Variants in UBE2E1 observed in about 807,000 individuals in gnomAD.
UBE2E1 encodes the protein ubiquitin-conjugating enzyme E2 E1.
In UBE2E1, 6 loss-of-function variants were observed where a neutral mutation model predicts 21.4. The observed-to-expected ratio is 0.28, with a 90% CI of 0.15 to 0.55. The LOEUF (loss-of-function observed/expected upper bound fraction) is 0.55, where lower values mean the gene tolerates loss of function less well. UBE2E1 is among the 20% of genes least tolerant of loss of function. The pLI, the probability that UBE2E1 is intolerant of heterozygous loss-of-function variation, is 0.93. For synonymous variants in UBE2E1, 87 were observed against 82.7 expected (o/e 1.05, Z -0.28); for missense variants, 142 against 236.5 (o/e 0.60, Z 2.62).
intron 3 of UBE2E1, among the ~76,000 whole-genome samples, chr3:23,852,742 C>T (rs561007401): frequency 8.6e-5 from 13 of 151,764 alleles, no homozygotes; most frequent in Non-Finnish European, 1.6e-4. Context: ...CTTACAGGCA[C>T]GTGCCACTGC....
At chr3:23,825,896 G>A (rs1699747806) in intron 3 of UBE2E1, among the ~76,000 whole-genome samples, 1 of 152,130 alleles carries the variant, frequency 6.6e-6, no homozygotes. Context: ...AAGAGAGAAG[G>A]CAGGTGCAGT....
chr3:23,846,018 C>G (rs1241783644), intron 3 of UBE2E1, among the ~76,000 whole-genome samples: 1 of 152,058 alleles, frequency 6.6e-6, no homozygotes, highest in Non-Finnish European at 1.5e-5. Context: ...CATAGTTTGC[C>G]AACTCTTGCT....
chr3:23,830,067 C>T (rs967985217), intron 3 of UBE2E1, among the ~76,000 whole-genome samples: 1 of 152,158 alleles, frequency 6.6e-6, no homozygotes, highest in African/African-American at 2.4e-5. Flanking sequence ...AAGAAAATAT[C>T]TTTGGAAAAA....
chr3:23,825,136 C>G (rs964877334), intron 3 of UBE2E1, among the ~76,000 whole-genome samples: 1 of 152,102 alleles, frequency 6.6e-6, no homozygotes, highest in Non-Finnish European at 1.5e-5. Context: ...TTTGTTTGTT[C>G]CAGTTAAATC....
At chr3:23,832,787 T>G (rs1699897732) in intron 3 of UBE2E1, among the ~76,000 whole-genome samples, 1 of 152,106 alleles carries the variant, frequency 6.6e-6, no homozygotes, top group Non-Finnish European at 1.5e-5. Flanking sequence ...TCTCAGCACT[T>G]TGGTTAGCTA....
At chr3:23,846,528 T>G (rs577677214) in intron 3 of UBE2E1, among the ~76,000 whole-genome samples, 12 of 152,106 alleles carry the variant, frequency 7.9e-5, no homozygotes, top group Non-Finnish European at 1.8e-4. Context: ...AAACCCCATC[T>G]TTACTAAAAA....
At chr3:23,859,859 T>G (rs1700514514) in intron 3 of UBE2E1, among the ~76,000 whole-genome samples, 1 of 152,230 alleles carries the variant, frequency 6.6e-6, no homozygotes, top group Non-Finnish European at 1.5e-5. Flanking sequence ...GAACAAATAC[T>G]AAGTATGAAT....
In UBE2E1 at chr3:23,811,455, T is replaced by G. The variant is rs780208349; in HGVS notation, c.153-5T>G. ...TGTTTGTCTTTCCCATTTCTCCCAC[T>G]CCAGAATTCAGAAGGAGCTGGCGGA... On this transcript the variant is annotated splice_region_variant and splice_polypyrimidine_tract_variant and intron_variant, in intron 2 of 5. Transcript: ENST00000306627. The G allele has an allele frequency of 3.7e-6, 6 of 1,614,046 alleles. No individual in the cohort carries two copies. Among genetic ancestry groups the G allele is most frequent in the South Asian group, 1.1e-5 (1 of 91,080 alleles).
At chr3:23,881,798 G>A (rs1020381688) in intron 3 of UBE2E1, among the ~76,000 whole-genome samples, 2 of 152,162 alleles carry the variant, frequency 1.3e-5, no homozygotes, top group East Asian at 1.9e-4. Context: ...TGGTGTATCC[G>A]GAGTTTGTTC....
chr3:23,883,082 C>T (rs896816154), intron 3 of UBE2E1, among the ~76,000 whole-genome samples: 10 of 152,312 alleles, frequency 6.6e-5, no homozygotes, highest in African/African-American at 2.4e-4. Context: ...AGCATGCTGT[C>T]ACCTCTCCCC....
At position 23,856,610 on chromosome 3, in the gene UBE2E1, T is replaced by C. The variant is rs367884013; in HGVS notation, c.204-30957T>C. 2.0e-5 allele frequency among the ~76,000 whole-genome samples: 3 copies of C among 152,338 alleles called. No individual in the cohort carries two copies. The East Asian group carries it at 5.8e-4, about 29-fold the overall frequency. ...ACCCATTAATGCTTAGTAAAGCCAC[T>C]ATGGACCTCACGTATCTAAACCCTT... On this transcript the variant is annotated intron_variant, in intron 3 of 5. Transcript: ENST00000306627.
Position 23,842,196 on chromosome 3 carries a change from GGGGTGTGTGTGT to G in UBE2E1, c.203+30688_203+30699del, listed in dbSNP as rs1559482317. Among the ~76,000 whole-genome samples the G allele has an allele frequency of 6.8e-5, 3 of 44,330 alleles. No individual in the cohort carries two copies. Among genetic ancestry groups the G allele is most frequent in the Non-Finnish European group, 1.1e-4 (2 of 18,552 alleles). The allele number at this position is 44,330 out of a possible 152,430, so 29.1% of individuals were successfully genotyped here. ...ACTATGTCATGACCCAGTAAGTGAA[GGGGTGTGTGTGT>G]GTGTGTGTGTGTGTGTGTGTGTGTG... On this transcript the variant is annotated intron_variant, in intron 3 of 5. Coordinates refer to ENST00000306627, the MANE Select transcript of UBE2E1 (RefSeq NM_003341.5). The surrounding 1 kb of genome is among the most constrained non-coding windows in gnomAD (Gnocchi z 4.6).
intron 3 of UBE2E1, among the ~76,000 whole-genome samples, chr3:23,815,186 T>A (rs915971765): frequency 2.6e-5 from 4 of 152,176 alleles, no homozygotes; most frequent in African/African-American, 9.7e-5. Flanking sequence ...TTTTACCTAT[T>A]GGCCAGGCTG....
intron 3 of UBE2E1, among the ~76,000 whole-genome samples, chr3:23,883,772 T>C (rs1701108832): frequency 6.6e-6 from 1 of 151,850 alleles, no homozygotes; most frequent in East Asian, 1.9e-4. Context: ...AAAAATTAGC[T>C]GGGCATGGCG....
At chr3:23,889,882 G>A (rs988153759) in intron 5 of UBE2E1, 9 of 316,106 alleles carry the variant, frequency 2.8e-5, no homozygotes, top group Non-Finnish European at 4.1e-5. Context: ...GTGGCAAAGC[G>A]AGACCCTGTC....
intron 3 of UBE2E1, among the ~76,000 whole-genome samples, chr3:23,875,408 C>G (rs1361664357): frequency 8.5e-5 from 13 of 152,144 alleles, no homozygotes; most frequent in Admixed American, 8.5e-4. Context: ...AGATTGTATC[C>G]AAATGACTAT....
chr3:23,828,470 ATTAT>A (rs1160958678), intron 3 of UBE2E1, among the ~76,000 whole-genome samples: 39 of 152,376 alleles, frequency 2.6e-4, no homozygotes, highest in African/African-American at 8.7e-4. Flanking sequence ...AAATGGGATC[ATTAT>A]TTGGATATTT....
At chr3:23,837,441 A>C (rs1047421450) in intron 3 of UBE2E1, among the ~76,000 whole-genome samples, 1 of 152,164 alleles carries the variant, frequency 6.6e-6, no homozygotes, top group African/African-American at 2.4e-5. Flanking sequence ...TCTCAAAAAG[A>C]TAGTAATGTG....
In UBE2E1 at chr3:23,808,678, G is replaced by T. The variant is rs1427731372; in HGVS notation, c.152+1257G>T. 6.6e-6 allele frequency: 1 copy of T among 152,210 alleles called. No homozygotes were observed. Among genetic ancestry groups the T allele is most frequent in the African/African-American group, 2.4e-5 (1 of 41,432 alleles). The allele number at this position is 152,210 out of a possible 1,614,324, so 9.4% of individuals were successfully genotyped here. A position where few individuals can be genotyped will look rare whatever the true frequency, so the allele number is the denominator to read the frequency against. ...AGTGGCAAGGTGCCTCTGCAAGATT[G>T]TTCTCATTTTTATAGGTTTGGTTTG... On this transcript the variant is annotated intron_variant, in intron 2 of 5. Coordinates refer to ENST00000306627, the MANE Select transcript of UBE2E1 (RefSeq NM_003341.5). The surrounding 1 kb of genome is among the most constrained non-coding windows in gnomAD (Gnocchi z 4.9).
Sources: gnomAD v4.1 joint callset for allele counts (sites outside exome capture counted in the v4.1 genomes callset) on GRCh38, gnomAD v4.1.1 for gene constraint, Gnocchi (gnomAD v3.1) non-coding constraint, MANE v1.5 for transcripts, NCBI Gene and HGNC (gene_info 2026-07-23, HGNC 2026-07-21) for gene names.